SP1: variants seen among roughly 807,000 people sequenced by gnomAD.
The protein encoded by SP1 is Sp1 transcription factor.
SP1 carries 6 observed loss-of-function variants against 66.3 expected under a neutral mutation model. That is an observed-to-expected ratio of 0.09 (90% CI 0.05 to 0.18). The LOEUF is 0.18. Among genes scored for constraint, SP1 ranks in the 10% least tolerant of loss-of-function variants. The probability of loss-of-function intolerance (pLI) is 1.00; values close to 1 mark genes in which losing one functional copy is unlikely to be tolerated. For missense variants in SP1, 848 were observed against 964.5 expected (o/e 0.88, Z 1.60); for synonymous variants, 417 against 360.8 (o/e 1.16, Z -1.77).
intron 3 of SP1, among the ~76,000 whole-genome samples, chr12:53,405,925 C>T (rs1436715941): frequency 2.0e-5 from 3 of 151,462 alleles, no homozygotes; most frequent in Non-Finnish European, 4.4e-5. Flanking sequence ...GGGTGCAGCA[C>T]ATCAGTATGG....
rs1173421971 is a variant in SP1, at chr12:53,412,747, G to C, written c.*1507G>C. On this transcript the variant is annotated 3_prime_UTR_variant, in exon 6 of 6. Coordinates refer to ENST00000327443, the MANE Select transcript of SP1 (RefSeq NM_138473.3). ...GGAGAAATCATCCTGTTTTCTCTGTGACCTGATTTCAGAAGAGACTGATCC... is the reference window on the plus strand; with the variant it reads ...GGAGAAATCATCCTGTTTTCTCTGTCACCTGATTTCAGAAGAGACTGATCC... 1 of 152,588 alleles carries C rather than the reference G, an allele frequency of 6.6e-6. No individual in the cohort carries two copies. The highest frequency in any genetic ancestry group is 2.4e-5 in the African/African-American group (1 of 41,432). 9.5% of individuals were successfully genotyped at this position (152,588 alleles called of 1,614,324 possible).
chr12:53,385,610 A>G (rs1212576295), intron 3 of SP1, among the ~76,000 whole-genome samples: 1 of 139,586 alleles, frequency 7.2e-6, no homozygotes, highest in East Asian at 2.1e-4. Context: ...AAAAAAAAAT[A>G]AATAAAAATA....
intron 3 of SP1, among the ~76,000 whole-genome samples, chr12:53,401,375 C>G (rs1370932241): frequency 6.7e-6 from 1 of 149,572 alleles, no homozygotes; most frequent in Non-Finnish European, 1.5e-5. Context: ...CACTTGAACC[C>G]AGGAGGTGGA....
intron 3 of SP1, among the ~76,000 whole-genome samples, chr12:53,386,479 CTTTTT>C (rs372557385): frequency 1.6e-5 from 2 of 121,266 alleles, no homozygotes; most frequent in Non-Finnish European, 3.4e-5. Context: ...TAGACTGTAT[CTTTTT>C]TTTTTTTTTT....
intron 4 of SP1, among the ~76,000 whole-genome samples, chr12:53,408,270 C>T (rs1592572808): frequency 1.4e-5 from 2 of 138,950 alleles, no homozygotes; most frequent in East Asian, 2.6e-4. Context: ...GAGCTTCGCT[C>T]TTGTTGCCCA....
intron 3 of SP1, among the ~76,000 whole-genome samples, chr12:53,386,874 G>A (rs1302592035): frequency 3.3e-5 from 5 of 151,032 alleles, no homozygotes; most frequent in African/African-American, 7.3e-5. Context: ...TTATATGCTG[G>A]CACAATTATA....
intron 3 of SP1, among the ~76,000 whole-genome samples, chr12:53,386,169 CAT>C (rs1174692853): frequency 5.3e-5 from 8 of 152,056 alleles, no homozygotes; most frequent in Middle Eastern, 3.2e-3. Context: ...TTCACACTAA[CAT>C]ATGAGCATCC....
chr12:53,394,573 T>G (rs1265855880), intron 3 of SP1, among the ~76,000 whole-genome samples: 15 of 144,266 alleles, frequency 1.0e-4, no homozygotes, highest in Admixed American at 4.9e-4. Context: ...GCGTGGTCTT[T>G]TCTTTTCTTC....
chr12:53,408,306 G>C (rs576270159), intron 4 of SP1, among the ~76,000 whole-genome samples: 3 of 145,638 alleles, frequency 2.1e-5, no homozygotes, highest in Non-Finnish European at 3.0e-5. Context: ...GCACGATCTC[G>C]GCTCACTGCA....
At chr12:53,404,559 G>A (rs1353070548) in intron 3 of SP1, among the ~76,000 whole-genome samples, 4 of 145,846 alleles carry the variant, frequency 2.7e-5, no homozygotes, top group Non-Finnish European at 4.6e-5. Flanking sequence ...AAAAAAAAAA[G>A]AATATTATCT....
At chr12:53,401,007 C>T (rs1938597325) in intron 3 of SP1, among the ~76,000 whole-genome samples, 1 of 151,784 alleles carries the variant, frequency 6.6e-6, no homozygotes, top group African/African-American at 2.4e-5. Context: ...GGTGATCCAC[C>T]TGTCTCAGGC....
Position 53,382,245 on chromosome 12 carries a change from C to T in SP1, c.298C>T (p.Leu100Phe), listed in dbSNP as rs759678833. The T allele has an allele frequency of 6.8e-6, 11 of 1,614,084 alleles. No individual in the cohort carries two copies. The highest frequency in any genetic ancestry group is 1.3e-5 in the African/African-American group (1 of 74,934). The change falls in exon 3 of 6, where the codon CTT becomes TTT. Residue 100 changes from leucine (L) to phenylalanine (F), a missense_variant. Leu to Phe is a conservative substitution (Grantham distance 22, BLOSUM62 0). Around this residue, in one of 7 missense-constraint regions of SP1, gnomAD observed 606 missense variants for 589.9 expected, o/e 1.03. Coordinates refer to ENST00000327443, the MANE Select transcript of SP1 (RefSeq NM_138473.3). ...TGAGCTTGACCTCACAGCCACACAA[C>T]TTTCACAGGGTGCCAATGGCTGGCA... ...TGELDLTATQ[L>F]SQGANGWQII...
intron 4 of SP1, among the ~76,000 whole-genome samples, chr12:53,408,107 G>A (rs771386861): frequency 2.8e-5 from 4 of 145,120 alleles, no homozygotes; most frequent in Non-Finnish European, 4.6e-5. Flanking sequence ...ATTAACCGGC[G>A]TGGTGTCAGG....
At position 53,412,771 on chromosome 12, in the gene SP1, C is replaced by G. The variant is rs1032664153; in HGVS notation, c.*1531C>G. Reference sequence around the variant, plus strand: ...TGACCTGATTTCAGAAGAGACTGATCCAAAAATTATAACGGCAGGGAACCT... The same window carrying G: ...TGACCTGATTTCAGAAGAGACTGATGCAAAAATTATAACGGCAGGGAACCT... On this transcript the variant is annotated 3_prime_UTR_variant, in exon 6 of 6. Coordinates refer to ENST00000327443, the MANE Select transcript of SP1 (RefSeq NM_138473.3). 1 of 152,498 alleles carries G rather than the reference C, an allele frequency of 6.6e-6. No homozygotes were observed. The highest frequency in any genetic ancestry group is 1.5e-5 in the Non-Finnish European group (1 of 68,024). 9.4% of individuals were successfully genotyped at this position (152,498 alleles called of 1,614,324 possible).
intron 4 of SP1, 104 bp from the exon 5 acceptor site, chr12:53,409,258 A>C: frequency 1.1e-6 from 1 of 906,464 alleles, no homozygotes; most frequent in South Asian, 1.7e-5. Context: ...CAAAAAATAA[A>C]AGTTTGGGTT....
rs1480994736 is a variant in SP1, at chr12:53,414,417, C to T, written c.*3177C>T. 4 of 152,588 alleles carry T rather than the reference C, an allele frequency of 2.6e-5. No homozygotes were observed. Among genetic ancestry groups the T allele is most frequent in the Non-Finnish European group, 5.9e-5 (4 of 68,032 alleles). The allele number at this position is 152,588 out of a possible 1,614,324, so 9.5% of individuals were successfully genotyped here. A position where few individuals can be genotyped will look rare whatever the true frequency, so the allele number is the denominator to read the frequency against. The stretch of plus-strand genomic sequence containing the variant: ...CAACTGGCACTCTGTGGGTGCTACA[C>T]AGAATGCAATTTAATGGATATTTCT... On this transcript the variant is annotated 3_prime_UTR_variant, in exon 6 of 6. Coordinates refer to ENST00000327443, the MANE Select transcript of SP1 (RefSeq NM_138473.3).
rs749256985 is a variant in SP1, at chr12:53,382,885, C to T, written c.938C>T (p.Ser313Leu). ...TTISSASLVS[S>L]QASSSSFFTN... ...ATCAGTTCTGCCAGCTTGGTATCAT[C>T]ACAAGCCAGTTCCAGCTCCTTTTTC... Residue 313 changes from serine to leucine, a missense_variant, in exon 3 of 6, where the codon TCA (serine) becomes TTA (leucine). Transcript: ENST00000327443. 7 of 1,614,218 alleles carry T rather than the reference C, an allele frequency of 4.3e-6. No individual in the cohort carries two copies. Among genetic ancestry groups the T allele is most frequent in the Admixed American group, 1.7e-5 (1 of 60,018 alleles).
rs1425395172 is a variant in SP1 at position 53,411,920 on chromosome 12, T to C, written c.*680T>C. 2 of 152,376 alleles carry C rather than the reference T, an allele frequency of 1.3e-5. No homozygotes were observed. The highest frequency in any genetic ancestry group is 4.8e-5 in the African/African-American group (2 of 41,414). The allele number at this position is 152,376 out of a possible 1,614,324, so 9.4% of individuals were successfully genotyped here. On this transcript the variant is annotated 3_prime_UTR_variant, in exon 6 of 6. Coordinates refer to ENST00000327443, the MANE Select transcript of SP1 (RefSeq NM_138473.3). ...CCTTTCTTAATTTTGTCTTTTTGTT[T>C]GGGATCAGCTTCTTGCACTCCTTCC...
At position 53,396,002 on chromosome 12, in the gene SP1, C is replaced by T. The variant is rs529997095; in HGVS notation, c.1676-10583C>T. ...GGGTGTGCTGGCGCACGCCTGTAGT[C>T]CCAGCTACTCCAGAGGCTGAGGCGG... is the stretch of plus-strand genomic sequence containing the variant. On this transcript the variant is annotated intron_variant, in intron 3 of 5. Coordinates refer to ENST00000327443, the MANE Select transcript of SP1 (RefSeq NM_138473.3). Among the ~76,000 whole-genome samples, 7 of 152,216 alleles carry T rather than the reference C, an allele frequency of 4.6e-5. No homozygotes were observed. The East Asian group carries it at 1.4e-3, about 29-fold the overall frequency.
Sources: allele counts gnomAD v4.1 joint callset (sites outside exome capture counted in the v4.1 genomes callset), GRCh38; gene constraint gnomAD v4.1.1; regional missense constraint gnomAD v4.1.1; transcripts MANE v1.5; gene names NCBI Gene and HGNC (gene_info 2026-07-23, HGNC 2026-07-21).